The following SLC2A13 variants were observed in gnomAD, a reference collection of about 807,000 sequenced individuals.
SLC2A13 encodes the protein solute carrier family 2 member 13.
A neutral mutation model predicts 64.4 loss-of-function variants in SLC2A13; 32 were observed. The ratio of observed to expected loss-of-function variants is 0.50; its 90% CI spans 0.37 to 0.67. The LOEUF is 0.67. Ranked by LOEUF, SLC2A13 falls within the 30% of genes least tolerant of loss-of-function variation. The pLI is 0.00. For missense variants in SLC2A13, 743 were observed against 829.2 expected, an observed-to-expected ratio of 0.90 and a Z score of 1.28; for synonymous variants, 338 against 327.1, an observed-to-expected ratio of 1.03 and a Z score of -0.36.
At chr12:39,960,209 T>C (rs1946384925) in intron 3 of SLC2A13, among the ~76,000 whole-genome samples, 1 of 152,240 alleles carries the variant, frequency 6.6e-6, no homozygotes, top group African/African-American at 2.4e-5. Flanking sequence ...CTATTATCAT[T>C]GGTATCTTTT....
chr12:39,963,351 C>T (rs1193454881), intron 3 of SLC2A13, among the ~76,000 whole-genome samples: 2 of 148,270 alleles, frequency 1.3e-5, no homozygotes, highest in Admixed American at 1.3e-4. Context: ...ATCAAATAAA[C>T]AATTACCCTT....
At chr12:39,767,466 A>C (rs1432439910) in intron 7 of SLC2A13, among the ~76,000 whole-genome samples, 1 of 152,002 alleles carries the variant, frequency 6.6e-6, no homozygotes, top group Non-Finnish European at 1.5e-5. Context: ...TTGGAGCGGC[A>C]AATGAGCATT....
intron 3 of SLC2A13, among the ~76,000 whole-genome samples, chr12:39,955,833 A>G (rs1042438567): frequency 3.3e-5 from 5 of 152,164 alleles, no homozygotes; most frequent in African/African-American, 1.2e-4. Context: ...AGGTGCCCCC[A>G]GAAGCTGGAA....
At chr12:39,797,863 A>C (rs559968032) in intron 7 of SLC2A13, among the ~76,000 whole-genome samples, 12 of 152,166 alleles carry the variant, frequency 7.9e-5, no homozygotes, top group Non-Finnish European at 8.8e-5. Context: ...TAATTAAAGA[A>C]TACTTCTAAT....
At position 39,794,067 on chromosome 12, in the gene SLC2A13, T is replaced by C. The variant is rs116081092; in HGVS notation, c.1446-29209A>G. Among the ~76,000 whole-genome samples the C allele has an allele frequency of 3.0e-3, 440 of 147,390 alleles. 2 individuals carry two copies. The highest frequency in any genetic ancestry group is 0.011 in the African/African-American group (419 of 39,280). On this transcript the variant is annotated intron_variant, in intron 7 of 9. Transcript: ENST00000280871. ...AAGTAACACACTCCCTCTAAATTAC[T>C]CTTTTGAGCTAGCAATTCCTAGAAG... is the stretch of plus-strand genomic sequence containing the variant.
intron 6 of SLC2A13, among the ~76,000 whole-genome samples, chr12:39,856,515 CAT>C (rs1484490466): frequency 3.3e-5 from 5 of 152,100 alleles, no homozygotes; most frequent in Non-Finnish European, 7.4e-5. Flanking sequence ...ACTACAGGCG[CAT>C]GCCACCATGC....
Position 39,778,614 on chromosome 12 carries a change from G to A in SLC2A13, c.1446-13756C>T, listed in dbSNP as rs180994799. 2.4e-4 allele frequency among the ~76,000 whole-genome samples: 36 copies of A among 152,124 alleles called. No homozygotes were observed. The East Asian group carries it at 5.8e-3, about 24-fold the overall frequency. On this transcript the variant is annotated intron_variant, in intron 7 of 9. Transcript: ENST00000280871. ...TTATCATTAAATAGTTATTATTAACGTATTATTACATTAAATTATTAAATC... is the reference window on the plus strand; with the variant it reads ...TTATCATTAAATAGTTATTATTAACATATTATTACATTAAATTATTAAATC...
At chr12:39,945,705 A>C (rs2136092651) in intron 4 of SLC2A13, among the ~76,000 whole-genome samples, 1 of 152,062 alleles carries the variant, frequency 6.6e-6, no homozygotes, top group South Asian at 2.1e-4. Flanking sequence ...TGAATTTTTT[A>C]TTGTTTTTCT....
chr12:40,013,635 A>T (rs562274883), intron 3 of SLC2A13, among the ~76,000 whole-genome samples: 1 of 152,358 alleles, frequency 6.6e-6, no homozygotes, highest in African/African-American at 2.4e-5. Flanking sequence ...ATCTAAATCT[A>T]CAATGGTAAG....
intron 4 of SLC2A13, among the ~76,000 whole-genome samples, chr12:39,948,242 A>C (rs1054352369): frequency 1.3e-5 from 2 of 152,186 alleles, no homozygotes; most frequent in Non-Finnish European, 2.9e-5. Flanking sequence ...GAAATATGTA[A>C]GTTTTAAGAA....
chr12:40,079,697 T>G (rs1207864783), intron 1 of SLC2A13, among the ~76,000 whole-genome samples: 1 of 152,210 alleles, frequency 6.6e-6, no homozygotes, highest in East Asian at 1.9e-4. Context: ...GTCAGTGACA[T>G]GTTGAAGTCT....
At chr12:39,961,826 T>TCTCA (rs1946419641) in intron 3 of SLC2A13, among the ~76,000 whole-genome samples, 1 of 149,858 alleles carries the variant, frequency 6.7e-6, no homozygotes, top group Non-Finnish European at 1.5e-5. Context: ...TGAGACAGAG[T>TCTCA]CTCACTCTGT....
At chr12:39,962,452 A>G (rs1946431071) in intron 3 of SLC2A13, among the ~76,000 whole-genome samples, 1 of 152,206 alleles carries the variant, frequency 6.6e-6, no homozygotes, top group African/African-American at 2.4e-5. Flanking sequence ...GATCCCATAT[A>G]GAGACAAAAA....
chr12:39,896,441 T>A (rs963519284), intron 4 of SLC2A13, among the ~76,000 whole-genome samples: 2 of 143,892 alleles, frequency 1.4e-5, no homozygotes, highest in Non-Finnish European at 3.0e-5. Context: ...TGTATACATA[T>A]ATGTATATGT....
intron 3 of SLC2A13, among the ~76,000 whole-genome samples, chr12:39,989,392 A>G (rs907033990): frequency 6.6e-6 from 1 of 152,184 alleles, no homozygotes; most frequent in Non-Finnish European, 1.5e-5. Flanking sequence ...ATCTGTTAAC[A>G]TTTATTACCA....
intron 4 of SLC2A13, chr12:39,950,175 C>CT (rs1210291147): frequency 2.0e-5 from 3 of 152,174 alleles, no homozygotes; most frequent in East Asian, 3.9e-4. Context: ...CCTAATCCTT[C>CT]TTTTTTAAAA....
intron 3 of SLC2A13, among the ~76,000 whole-genome samples, chr12:39,972,084 T>A (rs12304329): frequency 1.9e-4 from 26 of 136,288 alleles, no homozygotes; most frequent in South Asian, 1.4e-3. Context: ...GAATTTATAT[T>A]TATATATATA....
chr12:39,886,435 A>G (rs1402695123), intron 4 of SLC2A13, among the ~76,000 whole-genome samples: 1 of 152,170 alleles, frequency 6.6e-6, no homozygotes, highest in East Asian at 1.9e-4. Flanking sequence ...ATCTATATGT[A>G]TATATGAAGT....
At chr12:39,820,775 A>C (rs1019929299) in intron 7 of SLC2A13, among the ~76,000 whole-genome samples, 61 of 50,364 alleles carry the variant, frequency 1.2e-3, no homozygotes, top group Non-Finnish European at 2.0e-3. Context: ...ATATATATAT[A>C]TAAAGCAACA....
Sources: gnomAD v4.1 joint callset for allele counts (sites outside exome capture counted in the v4.1 genomes callset) on GRCh38, gnomAD v4.1.1 for gene constraint, MANE v1.5 for transcripts, NCBI Gene and HGNC (gene_info 2026-07-23, HGNC 2026-07-21) for gene names.